NBEA: variants seen among roughly 807,000 people sequenced by gnomAD.
The protein encoded by NBEA is lysosomal-trafficking regulator 2.
NBEA carries 44 observed loss-of-function variants against 343.4 expected under a neutral mutation model. The ratio of observed to expected loss-of-function variants is 0.13; its 90% CI spans 0.10 to 0.16. The LOEUF is 0.16. NBEA is among the 10% of genes least tolerant of loss of function. The pLI is 1.00. For missense variants in NBEA, 2,555 were observed against 3,631.3 expected (o/e 0.70, Z 7.62); for synonymous variants, 1,175 against 1,238.7 (o/e 0.95, Z 1.08).
At chr13:35,221,736 T>C (rs79288931) in intron 33 of NBEA, among the ~76,000 whole-genome samples, 3,084 of 152,238 alleles carry the variant, frequency 0.02, 101 homozygotes, top group African/African-American at 0.067. Context: ...TTCTATAGGA[T>C]CTCAACCTAT....
intron 43 of NBEA, among the ~76,000 whole-genome samples, chr13:35,552,291 T>G (rs1276105242): frequency 6.6e-6 from 1 of 152,248 alleles, no homozygotes; most frequent in Non-Finnish European, 1.5e-5. Context: ...CAGTGCTTTT[T>G]AAGTGCTGTT....
chr13:35,443,961 A>G (rs1274316108), intron 39 of NBEA, among the ~76,000 whole-genome samples: 1 of 152,024 alleles, frequency 6.6e-6, no homozygotes, highest in Non-Finnish European at 1.5e-5. Flanking sequence ...GGAAGGACGC[A>G]CTTAATAAAG....
intron 35 of NBEA, among the ~76,000 whole-genome samples, chr13:35,305,139 A>G (rs1023473173): frequency 1.3e-5 from 2 of 152,100 alleles, no homozygotes; most frequent in Non-Finnish European, 2.9e-5. Flanking sequence ...TCCTAAGATA[A>G]CTATTTTCTT....
chr13:35,204,664 C>G (rs1364212451), intron 31 of NBEA, among the ~76,000 whole-genome samples: 2 of 151,770 alleles, frequency 1.3e-5, no homozygotes, highest in Admixed American at 6.6e-5. Context: ...GTAGAGGATT[C>G]AAGGTATCCG....
intron 14 of NBEA, among the ~76,000 whole-genome samples, chr13:35,117,991 T>C (rs938595430): frequency 1.5e-4 from 23 of 151,992 alleles, no homozygotes; most frequent in African/African-American, 3.6e-4. Flanking sequence ...ATGCTAACTT[T>C]TTATAGTGAA....
intron 39 of NBEA, among the ~76,000 whole-genome samples, chr13:35,435,850 G>A (rs190507500): frequency 2.6e-4 from 40 of 152,246 alleles, no homozygotes; most frequent in African/African-American, 9.4e-4. Context: ...AATGAGGATT[G>A]CTGGAAACAA....
chr13:35,229,603 C>T (rs184877102), intron 33 of NBEA, among the ~76,000 whole-genome samples: 52 of 152,138 alleles, frequency 3.4e-4, no homozygotes, highest in Middle Eastern at 6.8e-3. Context: ...TAACAGATAG[C>T]TGTCTCATGT....
intron 34 of NBEA, among the ~76,000 whole-genome samples, chr13:35,263,718 A>G (rs1031385857): frequency 6.6e-6 from 1 of 152,202 alleles, no homozygotes; most frequent in African/African-American, 2.4e-5. Flanking sequence ...AAACTTTAAT[A>G]TTTCTTGGAC....
At chr13:35,309,646 G>T in intron 36 of NBEA, 54 bp downstream of exon 36, 1 of 993,026 alleles carries the variant, frequency 1.0e-6, no homozygotes, top group South Asian at 1.7e-5. Flanking sequence ...TATTCCACTG[G>T]GCAATTGCTC....
chr13:35,283,612 T>C (rs1357048680), intron 34 of NBEA, among the ~76,000 whole-genome samples: 1 of 152,156 alleles, frequency 6.6e-6, no homozygotes, highest in Non-Finnish European at 1.5e-5. Context: ...ATATTTTGGA[T>C]CAAAGAAAGG....
chr13:35,593,977 C>T (rs1201349051), intron 47 of NBEA, among the ~76,000 whole-genome samples: 1 of 152,060 alleles, frequency 6.6e-6, no homozygotes, highest in Non-Finnish European at 1.5e-5. Flanking sequence ...ACACAATATC[C>T]AGAAACAGCC....
chr13:35,133,806 A>G (rs527462352), intron 17 of NBEA, among the ~76,000 whole-genome samples: 1 of 152,202 alleles, frequency 6.6e-6, no homozygotes, highest in East Asian at 1.9e-4. Flanking sequence ...GTACATGGGA[A>G]TAAAAAACAA....
At chr13:35,535,614 C>T (rs918927492) in intron 41 of NBEA, among the ~76,000 whole-genome samples, 3 of 152,146 alleles carry the variant, frequency 2.0e-5, no homozygotes, top group Admixed American at 6.5e-5. Context: ...CTGCTAACCT[C>T]CCCACTTGAT....
intron 1 of NBEA, among the ~76,000 whole-genome samples, chr13:35,040,215 A>C (rs2062599222): frequency 6.6e-6 from 1 of 152,078 alleles, no homozygotes; most frequent in African/African-American, 2.4e-5. Context: ...GAGAGTAAAG[A>C]GTGTTATTAT....
chr13:35,498,660 AT>A (rs1209707390), intron 41 of NBEA, among the ~76,000 whole-genome samples: 1 of 152,078 alleles, frequency 6.6e-6, no homozygotes, highest in Non-Finnish European at 1.5e-5. Flanking sequence ...CAATGAAAAT[AT>A]TTTTGCTTCA....
chr13:35,099,875 A>G (rs1162383364), intron 11 of NBEA, among the ~76,000 whole-genome samples: 1 of 152,092 alleles, frequency 6.6e-6, no homozygotes, highest in Non-Finnish European at 1.5e-5. Context: ...TTGAAAATTA[A>G]AGTGGGATTT....
intron 49 of NBEA, among the ~76,000 whole-genome samples, chr13:35,637,837 A>G (rs1469327670): frequency 2.0e-5 from 3 of 152,070 alleles, no homozygotes; most frequent in African/African-American, 7.2e-5. Context: ...AGAAAAAAAA[A>G]AAAAGTTGAA....
chr13:35,485,429 C>T (rs541941411), intron 41 of NBEA, among the ~76,000 whole-genome samples: 1 of 152,206 alleles, frequency 6.6e-6, no homozygotes, highest in African/African-American at 2.4e-5. Context: ...ATACTATAAT[C>T]TGGCATCTTG....
At chr13:35,170,810 A>G (rs2070403296) in intron 25 of NBEA, among the ~76,000 whole-genome samples, 1 of 151,900 alleles carries the variant, frequency 6.6e-6, no homozygotes. Context: ...TACTAAGTTA[A>G]ATTACCATGT....
Sources: allele counts gnomAD v4.1 joint callset (sites outside exome capture counted in the v4.1 genomes callset), GRCh38; gene constraint gnomAD v4.1.1; transcripts MANE v1.5; gene names NCBI Gene and HGNC (gene_info 2026-07-23, HGNC 2026-07-21).